The following ATRNL1 variants were observed in gnomAD, a reference collection of about 807,000 sequenced individuals.
The protein encoded by ATRNL1 is attractin-like protein 1.
A neutral mutation model predicts 182.7 loss-of-function variants in ATRNL1; 95 were observed. That is an observed-to-expected ratio of 0.52 (90% CI 0.44 to 0.62). ATRNL1 has a LOEUF of 0.62. Among genes scored for constraint, ATRNL1 ranks in the 20% least tolerant of loss-of-function variants. The pLI is 0.00. For synonymous variants in ATRNL1, 576 were observed against 568.3 expected (o/e 1.01, Z -0.19); for missense variants, 1,471 against 1,679.5 (o/e 0.88, Z 2.17).
intron 18 of ATRNL1, among the ~76,000 whole-genome samples, chr10:115,330,713 T>C (rs1855171773): frequency 6.7e-6 from 1 of 149,498 alleles, no homozygotes; most frequent in Non-Finnish European, 1.5e-5. Context: ...TTCAGTGTTC[T>C]CTGTCTTTGA....
At chr10:115,498,526 G>A (rs1235519721) in intron 24 of ATRNL1, among the ~76,000 whole-genome samples, 2 of 151,838 alleles carry the variant, frequency 1.3e-5, no homozygotes, top group African/African-American at 4.8e-5. Context: ...CAGCAATTGT[G>A]GGGTACCTAA....
At chr10:115,343,004 G>T (rs1554938839) in intron 19 of ATRNL1, among the ~76,000 whole-genome samples, 2 of 152,188 alleles carry the variant, frequency 1.3e-5, no homozygotes, top group East Asian at 3.9e-4. Flanking sequence ...GAGCTCCATT[G>T]TATGTGATTT....
intron 27 of ATRNL1, among the ~76,000 whole-genome samples, chr10:115,786,160 A>G (rs1949391653): frequency 6.6e-6 from 1 of 152,166 alleles, no homozygotes; most frequent in African/African-American, 2.4e-5. Flanking sequence ...TTAAGTCATC[A>G]AGGCTTTTCC....
intron 20 of ATRNL1, among the ~76,000 whole-genome samples, chr10:115,417,298 G>T (rs530672455): frequency 2.6e-5 from 4 of 152,234 alleles, no homozygotes; most frequent in Middle Eastern, 3.4e-3. Context: ...TAGTCCTGTG[G>T]CTCGACTCCA....
intron 20 of ATRNL1, among the ~76,000 whole-genome samples, chr10:115,408,680 TC>T (rs1554959032): frequency 6.6e-6 from 1 of 152,192 alleles, no homozygotes; most frequent in East Asian, 1.9e-4. Context: ...GGCGTTTTTT[TC>T]TAGTAGTTTT....
At chr10:115,551,621 A>C (rs2133814118) in intron 26 of ATRNL1, among the ~76,000 whole-genome samples, 1 of 151,638 alleles carries the variant, frequency 6.6e-6, no homozygotes, top group East Asian at 1.9e-4. Flanking sequence ...GGTTTATGTT[A>C]TGCTATAGCA....
chr10:115,559,073 A>G (rs1352865604), intron 26 of ATRNL1, among the ~76,000 whole-genome samples: 2 of 152,148 alleles, frequency 1.3e-5, no homozygotes, highest in Non-Finnish European at 2.9e-5. Flanking sequence ...TATAGGGCAG[A>G]AATTTCATGA....
intron 28 of ATRNL1, among the ~76,000 whole-genome samples, chr10:115,906,946 G>T (rs779074629): frequency 1.1e-3 from 144 of 126,554 alleles, no homozygotes; most frequent in Admixed American, 3.3e-3. Flanking sequence ...GCTTCAATGA[G>T]CATTTCCTTT....
chr10:115,318,576 G>A (rs11197159), intron 18 of ATRNL1, among the ~76,000 whole-genome samples: 33,008 of 151,926 alleles, frequency 0.22, 4,582 homozygotes, highest in Non-Finnish European at 0.31. Flanking sequence ...ACTGTTACTG[G>A]TCTATTCAGG....
intron 26 of ATRNL1, among the ~76,000 whole-genome samples, chr10:115,713,705 C>CTCTCT (rs1555055340): frequency 9.9e-6 from 1 of 101,226 alleles, no homozygotes; most frequent in Non-Finnish European, 2.1e-5. Context: ...ATCTATCTAT[C>CTCTCT]ATCTATCTAT....
chr10:115,788,199 G>T (rs1949441975), intron 27 of ATRNL1, among the ~76,000 whole-genome samples: 1 of 152,140 alleles, frequency 6.6e-6, no homozygotes, highest in South Asian at 2.1e-4. Flanking sequence ...AGTTGATACT[G>T]GGTTTCGAGT....
intron 26 of ATRNL1, among the ~76,000 whole-genome samples, chr10:115,633,116 G>A (rs1858625850): frequency 6.6e-6 from 1 of 151,950 alleles, no homozygotes; most frequent in Non-Finnish European, 1.5e-5. Flanking sequence ...TTACCATGTT[G>A]GCCAGGCTGG....
chr10:115,520,421 C>T (rs1415681038), intron 25 of ATRNL1, among the ~76,000 whole-genome samples: 2 of 152,120 alleles, frequency 1.3e-5, no homozygotes, highest in African/African-American at 2.4e-5. Context: ...TGGTCTTCAT[C>T]GCATCTATGC....
intron 26 of ATRNL1, among the ~76,000 whole-genome samples, chr10:115,593,696 A>G (rs1240607239): frequency 2.6e-5 from 4 of 152,192 alleles, no homozygotes; most frequent in Non-Finnish European, 5.9e-5. Flanking sequence ...TTCTCAATAC[A>G]TCTCTATTTT....
rs1169884107 is a variant in ATRNL1, at chr10:115,230,870, T to TGAGAGAGAGA, written c.1533-10658_1533-10649dup. 7.1e-3 allele frequency among the ~76,000 whole-genome samples: 594 copies of TGAGAGAGAGA among 83,596 alleles called. 2 individuals are homozygous for TGAGAGAGAGA. Among genetic ancestry groups the TGAGAGAGAGA allele is most frequent in the Non-Finnish European group, 8.8e-3 (398 of 45,448 alleles). 54.8% of individuals were successfully genotyped at this position (83,596 alleles called of 152,430 possible). A position where few individuals can be genotyped will look rare whatever the true frequency, so the allele number is the denominator to read the frequency against. ...ACTAGGGGACTGGATATAGAGTGGA[T>TGAGAGAGAGA]GAGAGAGAGAGAGAGAGAGAGAGAG... On this transcript the variant is annotated intron_variant, in intron 9 of 28. Transcript: ENST00000355044.
intron 27 of ATRNL1, among the ~76,000 whole-genome samples, chr10:115,795,465 A>C (rs559124657): frequency 6.6e-6 from 1 of 152,064 alleles, no homozygotes; most frequent in Non-Finnish European, 1.5e-5. Context: ...TCCCATCCCC[A>C]GTGCAGATTC....
chr10:115,490,562 T>G (rs1849249161), intron 24 of ATRNL1, among the ~76,000 whole-genome samples: 2 of 152,226 alleles, frequency 1.3e-5, no homozygotes, highest in Admixed American at 6.5e-5. Context: ...GCTGTGTTTT[T>G]CAGCTCCATC....
intron 7 of ATRNL1, among the ~76,000 whole-genome samples, chr10:115,165,895 A>T (rs1355425631): frequency 2.0e-5 from 3 of 152,096 alleles, no homozygotes; most frequent in Admixed American, 6.6e-5. Context: ...TCAATCACTT[A>T]AAAAAATTAT....
intron 21 of ATRNL1, among the ~76,000 whole-genome samples, chr10:115,437,953 G>A (rs888642640): frequency 6.6e-6 from 1 of 151,866 alleles, no homozygotes; most frequent in African/African-American, 2.4e-5. Flanking sequence ...TAGTTAACTT[G>A]TATAAAATAA....
Sources: gnomAD v4.1 joint callset for allele counts (sites outside exome capture counted in the v4.1 genomes callset) on GRCh38, gnomAD v4.1.1 for gene constraint, MANE v1.5 for transcripts, NCBI Gene and HGNC (gene_info 2026-07-23, HGNC 2026-07-21) for gene names.